Variants in CBLN2 observed in about 807,000 individuals in gnomAD.
The protein encoded by CBLN2 is cerebellin-2.
Under a neutral mutation model 15.0 loss-of-function variants are expected in CBLN2, and 7 were observed. The ratio of observed to expected loss-of-function variants is 0.47; its 90% CI spans 0.27 to 0.88. The LOEUF (loss-of-function observed/expected upper bound fraction) is 0.88. Among genes scored for constraint, CBLN2 ranks in the 40% least tolerant of loss-of-function variants. The pLI is 0.14. For synonymous variants in CBLN2, 149 were observed against 135.2 expected (o/e 1.10, Z -0.71); for missense variants, 242 against 304.5 (o/e 0.79, Z 1.53).
chr18:72,545,681 T>G (rs190702086), upstream of CBLN2, among the ~76,000 whole-genome samples: 1,549 of 152,244 alleles, frequency 0.01, 37 homozygotes, highest in African/African-American at 0.035. Flanking sequence ...CTGATTTAAG[T>G]GTAAGCATAG....
chr18:72,596,707 T>C (rs927505238), intron 1 of CBLN2, among the ~76,000 whole-genome samples: 22 of 152,222 alleles, frequency 1.4e-4, no homozygotes, highest in African/African-American at 5.3e-4. Context: ...AGAATAAAAG[T>C]TGTTTTCTTT....
chr18:72,552,943 T>G (rs184705044), intron 1 of CBLN2, among the ~76,000 whole-genome samples: 1 of 152,196 alleles, frequency 6.6e-6, no homozygotes, highest in Non-Finnish European at 1.5e-5. Context: ...AGATTGTTAT[T>G]ACTATTATTC....
At chr18:72,560,934 A>G (rs1023735145) in intron 1 of CBLN2, among the ~76,000 whole-genome samples, 3 of 152,120 alleles carry the variant, frequency 2.0e-5, no homozygotes, top group Non-Finnish European at 2.9e-5. Context: ...GTGTGAACCC[A>G]GGAGGTAGAG....
At chr18:72,635,154 C>T (rs115486968) in intron 1 of CBLN2, among the ~76,000 whole-genome samples, 3,120 of 152,048 alleles carry the variant, frequency 0.021, 103 homozygotes, top group African/African-American at 0.071. Flanking sequence ...ACTTGAGTAC[C>T]GGACTCAAGT....
chr18:72,635,863 C>A (rs1387475371), intron 1 of CBLN2, among the ~76,000 whole-genome samples: 1 of 152,062 alleles, frequency 6.6e-6, no homozygotes, highest in Non-Finnish European at 1.5e-5. Context: ...TAATTATCTT[C>A]ATGCACATCA....
intron 1 of CBLN2, among the ~76,000 whole-genome samples, chr18:72,581,221 CGT>C (rs1299486026): frequency 1.3e-5 from 2 of 152,116 alleles, no homozygotes; most frequent in African/African-American, 4.8e-5. Context: ...ACTTTTTTAA[CGT>C]GTGTCAGAAT....
intron 1 of CBLN2, among the ~76,000 whole-genome samples, chr18:72,569,666 G>C (rs4892013): frequency 0.91 from 137,730 of 152,168 alleles, 62,490 homozygotes; most frequent in Middle Eastern, 0.97. Flanking sequence ...TGGCGAAGGG[G>C]AGAGCAAGAG....
chr18:72,581,221 C>T (rs943971662), intron 1 of CBLN2, among the ~76,000 whole-genome samples: 4 of 152,116 alleles, frequency 2.6e-5, no homozygotes, highest in South Asian at 2.1e-4. Flanking sequence ...ACTTTTTTAA[C>T]GTGTGTCAGA....
chr18:72,636,337 T>A (rs1036648539), intron 1 of CBLN2, among the ~76,000 whole-genome samples: 1 of 152,162 alleles, frequency 6.6e-6, no homozygotes, highest in African/African-American at 2.4e-5. Flanking sequence ...ATTTAGCAAG[T>A]CACAACACGG....
At chr18:72,563,480 A>G (rs1238113806) in intron 1 of CBLN2, among the ~76,000 whole-genome samples, 2 of 152,134 alleles carry the variant, frequency 1.3e-5, no homozygotes, top group African/African-American at 4.8e-5. Flanking sequence ...AGGAGGAACA[A>G]ATAAAATAAA....
intron 1 of CBLN2, among the ~76,000 whole-genome samples, chr18:72,628,946 T>C (rs1415705450): frequency 2.6e-5 from 4 of 152,176 alleles, no homozygotes; most frequent in African/African-American, 9.6e-5. Flanking sequence ...TGGATGGATA[T>C]CTGTACTTAG....
chr18:72,623,870 A>G (rs2069716953), intron 1 of CBLN2, among the ~76,000 whole-genome samples: 1 of 152,124 alleles, frequency 6.6e-6, no homozygotes, highest in African/African-American at 2.4e-5. Flanking sequence ...CTCGGAGTTC[A>G]ACTACTGGAT....
chr18:72,611,433 GC>G (rs1383030310), intron 1 of CBLN2, among the ~76,000 whole-genome samples: 1 of 152,024 alleles, frequency 6.6e-6, no homozygotes, highest in Non-Finnish European at 1.5e-5. Context: ...TTCAATAATA[GC>G]CATCTGACTG....
At chr18:72,546,420 A>G (rs2069158598), upstream of CBLN2, among the ~76,000 whole-genome samples, 1 of 151,906 alleles carries the variant, frequency 6.6e-6, no homozygotes, top group South Asian at 2.1e-4. Flanking sequence ...GGCCTGGGTG[A>G]CAGAGCGAGA....
At chr18:72,561,814 T>C (rs968095495) in intron 1 of CBLN2, among the ~76,000 whole-genome samples, 2 of 152,346 alleles carry the variant, frequency 1.3e-5, no homozygotes, top group African/African-American at 4.8e-5. Flanking sequence ...TGCATTAGCA[T>C]GAGGGCTTAA....
At chr18:72,592,995 T>G (rs941450221) in intron 1 of CBLN2, among the ~76,000 whole-genome samples, 3 of 152,138 alleles carry the variant, frequency 2.0e-5, no homozygotes, top group African/African-American at 4.8e-5. Context: ...TCCATATAAA[T>G]TTTTAGGATT....
chr18:72,561,482 C>A (rs563068859), intron 1 of CBLN2, among the ~76,000 whole-genome samples: 4 of 152,156 alleles, frequency 2.6e-5, no homozygotes, highest in Admixed American at 2.0e-4. Context: ...CTCTGTCTTC[C>A]CTCTGTCCCC....
At chr18:72,608,011 A>G (rs1260001673) in intron 1 of CBLN2, among the ~76,000 whole-genome samples, 3 of 152,210 alleles carry the variant, frequency 2.0e-5, no homozygotes, top group African/African-American at 7.2e-5. Flanking sequence ...CAGGCTTGCA[A>G]CTTCTTATCT....
At chr18:72,619,962 C>G (rs904263792) in intron 1 of CBLN2, among the ~76,000 whole-genome samples, 1 of 152,206 alleles carries the variant, frequency 6.6e-6, no homozygotes, top group Non-Finnish European at 1.5e-5. Flanking sequence ...CAGGAACAAA[C>G]TTCATTTACT....
Sources: allele counts gnomAD v4.1 joint callset (sites outside exome capture counted in the v4.1 genomes callset), GRCh38; gene constraint gnomAD v4.1.1; transcripts MANE v1.5; gene names NCBI Gene and HGNC (gene_info 2026-07-23, HGNC 2026-07-21).